RPTOR: variants seen among roughly 807,000 people sequenced by gnomAD.
RPTOR encodes regulatory associated protein of MTOR complex 1, also known as regulatory-associated protein of mTOR.
Under a neutral mutation model 169.9 loss-of-function variants are expected in RPTOR, and 21 were observed. The observed-to-expected ratio is 0.12, with a 90% confidence interval of 0.09 to 0.18. The LOEUF (loss-of-function observed/expected upper bound fraction) is 0.18. Among genes scored for constraint, RPTOR ranks in the 10% least tolerant of loss-of-function variants. The pLI is 1.00. For synonymous variants in RPTOR, 732 were observed against 753.2 expected (o/e 0.97, Z 0.46); for missense variants, 1,133 against 1,855.9 (o/e 0.61, Z 7.16).
rs146809624 is a variant in RPTOR, at chr17:80,871,342, T to C, written c.1510-9073T>C. 2.5e-3 allele frequency among the ~76,000 whole-genome samples: 385 copies of C among 152,322 alleles called. 1 individual carries two copies. Among genetic ancestry groups the C allele is most frequent in the African/African-American group, 8.9e-3 (369 of 41,566 alleles). On this transcript the variant is annotated intron_variant, in intron 13 of 33. Coordinates refer to ENST00000306801, the MANE Select transcript of RPTOR (RefSeq NM_020761.3). Reference sequence around the variant, plus strand: ...GTCAGGATGGTCTCGATCTCCTGACTGCGTGAGCCACCGCTCCCGGCCATG... The same window carrying C: ...GTCAGGATGGTCTCGATCTCCTGACCGCGTGAGCCACCGCTCCCGGCCATG...
At chr17:80,918,035 C>G (rs192496823) in intron 21 of RPTOR, among the ~76,000 whole-genome samples, 1 of 152,222 alleles carries the variant, frequency 6.6e-6, no homozygotes, top group Non-Finnish European at 1.5e-5. Flanking sequence ...TGGGATGAGC[C>G]GCCCCAGGAA....
At chr17:80,783,498 T>A (rs889112817) in intron 6 of RPTOR, among the ~76,000 whole-genome samples, 4 of 152,234 alleles carry the variant, frequency 2.6e-5, no homozygotes, top group African/African-American at 7.2e-5. Context: ...AAACTGACAT[T>A]TTTCTTATAA....
In RPTOR at chr17:80,945,381, A is replaced by G. The variant is rs371095441; in HGVS notation, c.3026-286A>G. ...GCCGAGGCGGGCAGATCACAAGGTCAGGAGATCAAGACCATCCTGTCTAAC... is the reference window on the plus strand; with the variant it reads ...GCCGAGGCGGGCAGATCACAAGGTCGGGAGATCAAGACCATCCTGTCTAAC... On this transcript the variant is annotated intron_variant, in intron 25 of 33. Transcript: ENST00000306801. 5.2e-4 allele frequency among the ~76,000 whole-genome samples: 79 copies of G among 152,272 alleles called. 1 individual carries two copies. The East Asian group carries it at 0.014, about 26-fold the overall frequency.
intron 6 of RPTOR, among the ~76,000 whole-genome samples, chr17:80,776,403 A>C (rs1309535964): frequency 7.1e-6 from 1 of 141,236 alleles, no homozygotes; most frequent in African/African-American, 2.7e-5. Context: ...GGCTCACTGC[A>C]AGTTCTGCCT....
chr17:80,697,577 C>T (rs963943300), intron 3 of RPTOR, among the ~76,000 whole-genome samples: 3 of 152,176 alleles, frequency 2.0e-5, no homozygotes, highest in Non-Finnish European at 2.9e-5. Flanking sequence ...CAGGTGGCGG[C>T]GTGATAGGTG....
At chr17:80,904,327 C>G (rs1336996098) in intron 20 of RPTOR, among the ~76,000 whole-genome samples, 1 of 152,190 alleles carries the variant, frequency 6.6e-6, no homozygotes, top group East Asian at 1.9e-4. Context: ...GTGAGCACAT[C>G]AGAGGGCGTA....
At chr17:80,549,198 A>C (rs773705014) in intron 1 of RPTOR, among the ~76,000 whole-genome samples, 2 of 152,176 alleles carry the variant, frequency 1.3e-5, no homozygotes, top group Non-Finnish European at 2.9e-5. Flanking sequence ...AATTATTATC[A>C]AGTTAGTTTG....
intron 6 of RPTOR, among the ~76,000 whole-genome samples, chr17:80,755,842 C>G (rs2066675801): frequency 6.6e-6 from 1 of 152,090 alleles, no homozygotes; most frequent in Admixed American, 6.5e-5. Context: ...AGCCAGTACC[C>G]CCACCTTACC....
intron 3 of RPTOR, among the ~76,000 whole-genome samples, chr17:80,690,543 G>A (rs759271427): frequency 6.6e-6 from 1 of 151,796 alleles, no homozygotes; most frequent in East Asian, 1.9e-4. Context: ...AGAATTTATC[G>A]TGGTCTCGAT....
At chr17:80,893,429 C>T (rs1300437293) in intron 19 of RPTOR, among the ~76,000 whole-genome samples, 1 of 125,874 alleles carries the variant, frequency 7.9e-6, no homozygotes, top group Non-Finnish European at 1.6e-5. Context: ...TGTGTGTGTG[C>T]CAGGGTGTGT....
chr17:80,798,757 A>C (rs1383625031), intron 7 of RPTOR, among the ~76,000 whole-genome samples: 1 of 152,220 alleles, frequency 6.6e-6, no homozygotes, highest in African/African-American at 2.4e-5. Flanking sequence ...AAATTTATTT[A>C]TAAGTACCCA....
intron 21 of RPTOR, among the ~76,000 whole-genome samples, chr17:80,913,953 T>G (rs1322642933): frequency 6.6e-6 from 1 of 152,220 alleles, no homozygotes; most frequent in Non-Finnish European, 1.5e-5. Flanking sequence ...TTATAATTTA[T>G]GAGAAAACGT....
At chr17:80,658,459 G>A (rs1009892704) in intron 3 of RPTOR, among the ~76,000 whole-genome samples, 2 of 152,076 alleles carry the variant, frequency 1.3e-5, no homozygotes, top group Non-Finnish European at 2.9e-5. Flanking sequence ...CTGACTGTAA[G>A]TCTTAATATT....
At chr17:80,893,346 AGGGTGTGTGTGTGCT>A (rs1178617196) in intron 19 of RPTOR, among the ~76,000 whole-genome samples, 3 of 129,188 alleles carry the variant, frequency 2.3e-5, no homozygotes, top group Non-Finnish European at 4.8e-5. Context: ...TGTGTGCGCC[AGGGTGTGTGTGTGCT>A]GGGTGTGTGT....
At chr17:80,925,872 A>G (rs2068805765) in intron 24 of RPTOR, among the ~76,000 whole-genome samples, 1 of 152,228 alleles carries the variant, frequency 6.6e-6, no homozygotes, top group Non-Finnish European at 1.5e-5. Flanking sequence ...GGGTTACACC[A>G]CAAGACCATC....
chr17:80,853,924 T>A (rs2067823604), intron 11 of RPTOR, among the ~76,000 whole-genome samples: 1 of 150,914 alleles, frequency 6.6e-6, no homozygotes, highest in Non-Finnish European at 1.5e-5. Context: ...GAGCTTGCAG[T>A]GAGCCGAGAT....
At chr17:80,770,137 G>A (rs1598293203) in intron 6 of RPTOR, among the ~76,000 whole-genome samples, 2 of 152,306 alleles carry the variant, frequency 1.3e-5, no homozygotes, top group Admixed American at 6.5e-5. Flanking sequence ...GTCTTTTCCC[G>A]TGTCCTCCTG....
At chr17:80,743,659 C>T (rs1401714975) in intron 5 of RPTOR, among the ~76,000 whole-genome samples, 1 of 151,932 alleles carries the variant, frequency 6.6e-6, no homozygotes, top group African/African-American at 2.4e-5. Context: ...CCCTCGGCAG[C>T]AAGGGTTGAG....
At chr17:80,556,013 TAA>T (rs2084403127) in intron 1 of RPTOR, among the ~76,000 whole-genome samples, 1 of 136,490 alleles carries the variant, frequency 7.3e-6, no homozygotes, top group Non-Finnish European at 1.6e-5. Flanking sequence ...TGGGAGGATC[TAA>T]AAAGTTTTTT....
Sources: allele counts gnomAD v4.1 joint callset (sites outside exome capture counted in the v4.1 genomes callset), GRCh38; gene constraint gnomAD v4.1.1; transcripts MANE v1.5; gene names NCBI Gene and HGNC (gene_info 2026-07-23, HGNC 2026-07-21).